SERPINI2: variants seen among roughly 807,000 people sequenced by gnomAD.
The protein encoded by SERPINI2 is serpin I2.
A neutral mutation model predicts 47.3 loss-of-function variants in SERPINI2; 48 were observed. The observed-to-expected ratio is 1.02, with a 90% CI of 0.81 to 1.29. SERPINI2 has a LOEUF of 1.29. SERPINI2 is among the 50% of genes most tolerant of loss of function. The probability of loss-of-function intolerance (pLI) is 0.00; values close to 1 mark genes in which losing one functional copy is unlikely to be tolerated. For missense variants in SERPINI2, 448 were observed against 456.9 expected, an observed-to-expected ratio of 0.98 and a Z score of 0.18; for synonymous variants, 135 against 149.3, an observed-to-expected ratio of 0.90 and a Z score of 0.70.
chr3:167,457,403 G>T lies in SERPINI2; in HGVS notation c.867-4370C>A, dbSNP rs143126902. On this transcript the variant is annotated intron_variant, in intron 5 of 8. Coordinates refer to ENST00000264677, the Ensembl canonical transcript of SERPINI2. ...CAGCCCTCTTGTTTTCTAGTAAGTT[G>T]AGCCTGGAACCCCCAAACAACCTAT... 6.6e-3 allele frequency among the ~76,000 whole-genome samples: 1,003 copies of T among 152,270 alleles called. 13 individuals are homozygous for T. Among genetic ancestry groups the T allele is most frequent in the South Asian group, 0.033 (158 of 4,812 alleles).
At chr3:167,453,093 A>T (rs1025089388) in intron 5 of SERPINI2, 60 bp from the exon 6 acceptor site, 2 of 855,622 alleles carry the variant, frequency 2.3e-6, no homozygotes, top group African/African-American at 3.5e-5. Flanking sequence ...TTTGCTACCA[A>T]TTTTTTAATG....
chr3:167,464,415 G>C (rs1038864572), intron 5 of SERPINI2, among the ~76,000 whole-genome samples: 5 of 152,130 alleles, frequency 3.3e-5, no homozygotes, highest in Admixed American at 6.5e-5. Flanking sequence ...ATGAGACTAT[G>C]ACTGAAATAA....
At chr3:167,468,905 A>C (rs1390221480) in intron 2 of SERPINI2, among the ~76,000 whole-genome samples, 1 of 152,222 alleles carries the variant, frequency 6.6e-6, no homozygotes, top group Non-Finnish European at 1.5e-5. Flanking sequence ...TCTGAAATAC[A>C]TGAACATCTT....
intron 5 of SERPINI2, among the ~76,000 whole-genome samples, chr3:167,457,916 C>T (rs1333769374): frequency 1.3e-5 from 2 of 152,034 alleles, no homozygotes; most frequent in African/African-American, 2.4e-5. Flanking sequence ...AAATAGGAAC[C>T]GTTGGCAGGG....
intron 6 of SERPINI2, among the ~76,000 whole-genome samples, chr3:167,449,920 G>T (rs186552984): frequency 6.6e-6 from 1 of 152,226 alleles, no homozygotes; most frequent in South Asian, 2.1e-4. Context: ...TATACAGAGA[G>T]AGATCAAGTT....
intron 6 of SERPINI2, among the ~76,000 whole-genome samples, chr3:167,451,923 C>T (rs1477456072): frequency 3.9e-5 from 6 of 152,132 alleles, no homozygotes; most frequent in East Asian, 1.9e-4. Flanking sequence ...ATACCTAGTG[C>T]GGACAAAATT....
chr3:167,472,457 T>G (rs1373361473), intron 1 of SERPINI2, among the ~76,000 whole-genome samples: 1 of 151,920 alleles, frequency 6.6e-6, no homozygotes, highest in African/African-American at 2.4e-5. Flanking sequence ...CCTGCAAAGT[T>G]TGAAACAAAA....
At chr3:167,453,480 A>C (rs1749698524) in intron 5 of SERPINI2, among the ~76,000 whole-genome samples, 1 of 152,182 alleles carries the variant, frequency 6.6e-6, no homozygotes, top group Non-Finnish European at 1.5e-5. Context: ...ATTGTTAGCT[A>C]TTAAGGAAGA....
chr3:167,459,160 C>T (rs373804511), intron 5 of SERPINI2, among the ~76,000 whole-genome samples: 26 of 150,334 alleles, frequency 1.7e-4, no homozygotes, highest in East Asian at 5.9e-4. Flanking sequence ...CTGCAAGCTC[C>T]GCCTCCCGGG....
chr3:167,460,261 G>A (rs547919759), intron 5 of SERPINI2, among the ~76,000 whole-genome samples: 3 of 152,190 alleles, frequency 2.0e-5, no homozygotes, highest in South Asian at 4.1e-4. Context: ...AAGAACCACC[G>A]CATTCAGTAA....
chr3:167,443,256 C>A (rs1044211668), intron 8 of SERPINI2, among the ~76,000 whole-genome samples: 1 of 151,972 alleles, frequency 6.6e-6, no homozygotes, highest in Non-Finnish European at 1.5e-5. Context: ...TATAGGTGCC[C>A]GCCACCACGC....
intron 1 of SERPINI2, among the ~76,000 whole-genome samples, chr3:167,472,429 C>T (rs1750357723): frequency 6.6e-6 from 1 of 151,840 alleles, no homozygotes; most frequent in East Asian, 1.9e-4. Context: ...CAAAAGAAGA[C>T]AAATACAATG....
chr3:167,455,571 T>G (rs1201890187), intron 5 of SERPINI2, among the ~76,000 whole-genome samples: 1 of 142,042 alleles, frequency 7.0e-6, no homozygotes, highest in Non-Finnish European at 1.5e-5. Context: ...ATTCTCACAC[T>G]GCTATAAAGA....
chr3:167,450,775 A>C (rs1749618493), intron 6 of SERPINI2, among the ~76,000 whole-genome samples: 1 of 152,126 alleles, frequency 6.6e-6, no homozygotes, highest in Non-Finnish European at 1.5e-5. Flanking sequence ...GGAAAGACCA[A>C]AAAGCAGGTT....
chr3:167,449,620 A>G (rs116603037), intron 6 of SERPINI2, among the ~76,000 whole-genome samples: 3,251 of 152,102 alleles, frequency 0.021, 104 homozygotes, highest in African/African-American at 0.073. Context: ...CAGCCTCCCA[A>G]GTAGTTGGGA....
chr3:167,460,400 T>C (rs1003936015), intron 5 of SERPINI2, among the ~76,000 whole-genome samples: 1 of 152,194 alleles, frequency 6.6e-6, no homozygotes, highest in African/African-American at 2.4e-5. Context: ...TTGGGAGAAA[T>C]GTATTTCAGA....
chr3:167,469,124 T>A (rs1344821124), intron 2 of SERPINI2: 1 of 152,158 alleles, frequency 6.6e-6, no homozygotes, highest in Non-Finnish European at 1.5e-5. Context: ...CCTATAAATT[T>A]TATTTCGTTT....
chr3:167,468,308 G>T (rs1163710099), intron 2 of SERPINI2, among the ~76,000 whole-genome samples: 2 of 151,998 alleles, frequency 1.3e-5, no homozygotes, highest in African/African-American at 2.4e-5. Flanking sequence ...AAATAAGGAG[G>T]ATGTGTGTGT....
intron 8 of SERPINI2, among the ~76,000 whole-genome samples, chr3:167,443,493 T>C: frequency 6.6e-6 from 1 of 152,138 alleles, no homozygotes; most frequent in East Asian, 1.9e-4. Flanking sequence ...AGAAAACAAA[T>C]ACCCCAATAT....
Sources: gnomAD v4.1 joint callset for allele counts (sites outside exome capture counted in the v4.1 genomes callset) on GRCh38, gnomAD v4.1.1 for gene constraint, MANE v1.5 for transcripts, NCBI Gene and HGNC (gene_info 2026-07-23, HGNC 2026-07-21) for gene names.